MAGI2: variants seen among roughly 807,000 people sequenced by gnomAD.
The protein encoded by MAGI2 is membrane-associated guanylate kinase, WW and PDZ domain-containing protein 2.
A neutral mutation model predicts 133.3 loss-of-function variants in MAGI2; 35 were observed. That is an observed-to-expected ratio of 0.26 (90% CI 0.20 to 0.35). The LOEUF (loss-of-function observed/expected upper bound fraction) is 0.35. Ranked by LOEUF, MAGI2 falls within the 10% of genes least tolerant of loss-of-function variation. The probability of loss-of-function intolerance (pLI) is 1.00; values close to 1 mark genes in which losing one functional copy is unlikely to be tolerated. For missense variants in MAGI2, 1,636 were observed against 1,863.4 expected, an observed-to-expected ratio of 0.88 and a Z score of 2.25; for synonymous variants, 729 against 710.6, an observed-to-expected ratio of 1.03 and a Z score of -0.41.
At chr7:78,604,823 CTTG>C (rs939786980) in intron 3 of MAGI2, among the ~76,000 whole-genome samples, 1 of 152,158 alleles carries the variant, frequency 6.6e-6, no homozygotes, top group African/African-American at 2.4e-5. Flanking sequence ...TGCTATCAAT[CTTG>C]TTTAGTTTTT....
intron 10 of MAGI2, among the ~76,000 whole-genome samples, chr7:78,231,001 G>A (rs1056249341): frequency 1.3e-5 from 2 of 152,106 alleles, no homozygotes; most frequent in African/African-American, 2.4e-5. Context: ...CTAAATTAGG[G>A]GATTCTGTCA....
chr7:78,771,300 CT>C (rs1825569671), intron 2 of MAGI2: 1 of 152,166 alleles, frequency 6.6e-6, no homozygotes, highest in Non-Finnish European at 1.5e-5. Context: ...CCTGTGTTAT[CT>C]ACGCGCCTGT....
intron 6 of MAGI2, among the ~76,000 whole-genome samples, chr7:78,417,343 T>G (rs1211394842): frequency 6.6e-6 from 1 of 151,806 alleles, no homozygotes; most frequent in Non-Finnish European, 1.5e-5. Flanking sequence ...CTCTGAGCTG[T>G]TCACTCATGA....
chr7:78,125,951 G>C, intron 19 of MAGI2, 114 bp from the exon 20 acceptor site: 1 of 1,084,428 alleles, frequency 9.2e-7, no homozygotes, highest in African/African-American at 1.6e-5. Context: ...CAAATGACAT[G>C]ATGTTGGGAG....
chr7:78,714,096 A>G lies in MAGI2; in HGVS notation c.419-86857T>C, dbSNP rs572086441. On this transcript the variant is annotated intron_variant, in intron 2 of 21. Coordinates refer to ENST00000354212, the MANE Select transcript of MAGI2 (RefSeq NM_012301.4). ...GGAAGAGGTGAAAGAAAGAGGGGGG[A>G]AGAGAATATACTTGTGTAAATATGA... Among the ~76,000 whole-genome samples the G allele has an allele frequency of 8.8e-4, 99 of 112,162 alleles. 3 individuals carry two copies. The South Asian group carries it at 0.026, about 30-fold the overall frequency. 73.6% of individuals were successfully genotyped at this position (112,162 alleles called of 152,430 possible).
Position 78,520,082 on chromosome 7 carries a change from T to C in MAGI2, c.754+1348A>G, listed in dbSNP as rs725554. ...CATAGGAGACAAGTTACATTACTTA[T>C]AGTGATTTTTAGCATTTGTATCTAG... On this transcript the variant is annotated intron_variant, in intron 4 of 21. Coordinates refer to ENST00000354212, the MANE Select transcript of MAGI2 (RefSeq NM_012301.4). 1.1e-4 allele frequency among the ~76,000 whole-genome samples: 17 copies of C among 152,358 alleles called. 1 individual carries two copies. In the South Asian group the frequency reaches 3.5e-3, roughly 32 times the overall value.
chr7:79,403,849 A>T (rs1054604614), intron 1 of MAGI2, among the ~76,000 whole-genome samples: 2 of 152,168 alleles, frequency 1.3e-5, no homozygotes, highest in Non-Finnish European at 2.9e-5. Flanking sequence ...TATAAAACAA[A>T]AGCAGCTGCA....
intron 2 of MAGI2, among the ~76,000 whole-genome samples, chr7:78,711,094 A>G (rs1333923727): frequency 1.3e-5 from 2 of 152,190 alleles, no homozygotes; most frequent in Admixed American, 6.5e-5. Context: ...ACTGAGGTTC[A>G]TACTCACATT....
chr7:78,975,797 A>G (rs2116070803), intron 2 of MAGI2, among the ~76,000 whole-genome samples: 1 of 151,798 alleles, frequency 6.6e-6, no homozygotes, highest in East Asian at 1.9e-4. Context: ...AAAAAGGGAG[A>G]TGATACAAAT....
intron 3 of MAGI2, among the ~76,000 whole-genome samples, chr7:78,547,789 A>C (rs1252561615): frequency 6.6e-6 from 1 of 152,236 alleles, no homozygotes; most frequent in African/African-American, 2.4e-5. Flanking sequence ...TGCAAACCTC[A>C]CATGGACAGT....
intron 2 of MAGI2, among the ~76,000 whole-genome samples, chr7:78,928,589 A>C (rs1450117821): frequency 6.6e-6 from 1 of 152,072 alleles, no homozygotes; most frequent in Non-Finnish European, 1.5e-5. Context: ...AGGCACTTGA[A>C]ACATTAGCAA....
chr7:78,634,799 G>A (rs1266503910), intron 2 of MAGI2, among the ~76,000 whole-genome samples: 1 of 152,122 alleles, frequency 6.6e-6, no homozygotes, highest in Non-Finnish European at 1.5e-5. Flanking sequence ...GAATATAGAT[G>A]ATTCATCATA....
intron 1 of MAGI2, among the ~76,000 whole-genome samples, chr7:79,183,904 T>C (rs1826837632): frequency 6.6e-6 from 1 of 151,834 alleles, no homozygotes; most frequent in Non-Finnish European, 1.5e-5. Context: ...AAATACTGCA[T>C]GATCTTATTT....
At chr7:79,049,146 A>G (rs865917531) in intron 1 of MAGI2, among the ~76,000 whole-genome samples, 58 of 152,192 alleles carry the variant, frequency 3.8e-4, no homozygotes, top group Non-Finnish European at 3.2e-4. Flanking sequence ...AAAGGAAAAA[A>G]TGACATGATT....
intron 9 of MAGI2, among the ~76,000 whole-genome samples, chr7:78,303,057 A>G (rs943672844): frequency 6.6e-6 from 1 of 152,092 alleles, no homozygotes; most frequent in Non-Finnish European, 1.5e-5. Flanking sequence ...TGAGTTTTGA[A>G]GAATGAATAG....
At chr7:78,896,050 C>T (rs962687535) in intron 2 of MAGI2, among the ~76,000 whole-genome samples, 6 of 152,000 alleles carry the variant, frequency 3.9e-5, no homozygotes, top group African/African-American at 1.4e-4. Flanking sequence ...GATTGTTAGG[C>T]TTCAATAAGA....
At chr7:78,920,538 G>T (rs1352383421) in intron 2 of MAGI2, among the ~76,000 whole-genome samples, 2 of 151,904 alleles carry the variant, frequency 1.3e-5, no homozygotes, top group African/African-American at 4.8e-5. Context: ...TGTATTTGTT[G>T]TTTTCTAATA....
chr7:78,924,910 C>A (rs960290810), intron 2 of MAGI2, among the ~76,000 whole-genome samples: 5 of 151,152 alleles, frequency 3.3e-5, no homozygotes, highest in Non-Finnish European at 7.4e-5. Flanking sequence ...TTTAAAGTCC[C>A]CTACTTTTAC....
intron 3 of MAGI2, among the ~76,000 whole-genome samples, chr7:78,625,098 T>C (rs1436321250): frequency 6.6e-6 from 1 of 152,116 alleles, no homozygotes; most frequent in Non-Finnish European, 1.5e-5. Flanking sequence ...TGTGTAGGCC[T>C]AGGCTAATGT....
Sources: allele counts gnomAD v4.1 joint callset (sites outside exome capture counted in the v4.1 genomes callset), GRCh38; gene constraint gnomAD v4.1.1; transcripts MANE v1.5; gene names NCBI Gene and HGNC (gene_info 2026-07-23, HGNC 2026-07-21).